Variants in CCDC125 observed in about 807,000 individuals in gnomAD.
CCDC125 encodes the protein coiled-coil domain-containing protein 125.
A neutral mutation model predicts 57.4 loss-of-function variants in CCDC125; 43 were observed. The observed-to-expected ratio is 0.75, with a 90% CI of 0.59 to 0.97. The LOEUF is 0.97. Ranked by LOEUF, CCDC125 falls within the 50% of genes least tolerant of loss-of-function variation. The pLI, the probability that CCDC125 is intolerant of heterozygous loss-of-function variation, is 0.00. For missense variants in CCDC125, 563 were observed against 595.7 expected (o/e 0.95, Z 0.57); for synonymous variants, 187 against 195.2 (o/e 0.96, Z 0.35).
chr5:69,305,678 G>A (rs556185671), intron 6 of CCDC125, among the ~76,000 whole-genome samples: 2 of 152,272 alleles, frequency 1.3e-5, no homozygotes, highest in South Asian at 4.1e-4. Context: ...TGGAACATCT[G>A]GAGACTACTG....
chr5:69,297,254 T>C (rs548032078), intron 8 of CCDC125, among the ~76,000 whole-genome samples: 1 of 152,138 alleles, frequency 6.6e-6, no homozygotes, highest in Admixed American at 6.6e-5. Flanking sequence ...GTGGTCAGGC[T>C]GGTCTCGAAC....
At chr5:69,323,605 C>T (rs945454314) in intron 1 of CCDC125, among the ~76,000 whole-genome samples, 9 of 152,062 alleles carry the variant, frequency 5.9e-5, no homozygotes, top group African/African-American at 9.7e-5. Flanking sequence ...CCTCAGGCCA[C>T]GCACAGCAGG....
rs200323660 is a variant in CCDC125, at chr5:69,285,314, C to CA, written c.1230+22dup. 7,589 of 1,605,994 alleles carry CA rather than the reference C, an allele frequency of 4.7e-3. 25 individuals are homozygous for CA. Among genetic ancestry groups the CA allele is most frequent in the Non-Finnish European group, 5.6e-3 (6,554 of 1,176,972 alleles). The stretch of plus-strand genomic sequence containing the variant: ...ACAAGCTTGGCTTAACCATAACCTG[C>CA]AAAAAAAAGCAAAGACACTAACCAA... On this transcript the variant is annotated intron_variant, in intron 11 of 11. Coordinates refer to ENST00000396496, the MANE Select transcript of CCDC125 (RefSeq NM_176816.5).
intron 10 of CCDC125, among the ~76,000 whole-genome samples, chr5:69,285,798 A>G (rs992878397): frequency 4.6e-5 from 7 of 152,296 alleles, no homozygotes; most frequent in Non-Finnish European, 7.4e-5. Context: ...GTCAGCCACT[A>G]GTCTTATTGT....
chr5:69,288,846 C>T (rs1207445441), intron 10 of CCDC125, among the ~76,000 whole-genome samples: 1 of 152,178 alleles, frequency 6.6e-6, no homozygotes, highest in Non-Finnish European at 1.5e-5. Context: ...TGATAGGATA[C>T]CCAGCTGGTG....
intron 1 of CCDC125, among the ~76,000 whole-genome samples, chr5:69,331,481 C>T (rs931191884): frequency 2.0e-5 from 3 of 152,020 alleles, no homozygotes; most frequent in East Asian, 2.0e-4. Context: ...ATCTGCTCAC[C>T]GGTCTCCCAA....
At chr5:69,324,319 C>T (rs1760455219) in intron 1 of CCDC125, among the ~76,000 whole-genome samples, 2 of 152,344 alleles carry the variant, frequency 1.3e-5, no homozygotes, top group East Asian at 3.9e-4. Context: ...GATTCCACCT[C>T]ACCGCACTGA....
chr5:69,331,246 G>A (rs1761377803), intron 1 of CCDC125, among the ~76,000 whole-genome samples: 1 of 152,000 alleles, frequency 6.6e-6, no homozygotes, highest in Non-Finnish European at 1.5e-5. Flanking sequence ...AGGTTCCAGT[G>A]AGCTGAGACA....
chr5:69,273,344 A>G, the CCDC125 span, among the ~76,000 whole-genome samples: 8 of 152,246 alleles, frequency 5.3e-5, no homozygotes, highest in Admixed American at 5.2e-4. Flanking sequence ...AAAGAAAACC[A>G]AGGCTTTTTA....
At chr5:69,286,475 G>GC (rs1351177718) in intron 10 of CCDC125, among the ~76,000 whole-genome samples, 1 of 150,884 alleles carries the variant, frequency 6.6e-6, no homozygotes, top group Non-Finnish European at 1.5e-5. Context: ...CTCATGATTC[G>GC]CCCCCTCTTG....
rs1759798613 is a variant in CCDC125, at chr5:69,320,198, CA to C, written c.304+38del. The C allele has an allele frequency of 2.0e-6, 3 of 1,525,314 alleles. No homozygotes were observed. The African/African-American group carries it at 4.1e-5, about 21-fold the overall frequency. 94.5% of individuals were successfully genotyped at this position (1,525,314 alleles called of 1,614,324 possible). On this transcript the variant is annotated intron_variant, in intron 2 of 11. Coordinates refer to ENST00000396496, the MANE Select transcript of CCDC125 (RefSeq NM_176816.5). Reference sequence around the variant, plus strand: ...GAAGGGTTATAGCTTTGATACTATGCACAGGAGAAAGAAAGGAGAGGAAATT... The same window carrying C: ...GAAGGGTTATAGCTTTGATACTATGCCAGGAGAAAGAAAGGAGAGGAAATT...
intron 8 of CCDC125, among the ~76,000 whole-genome samples, chr5:69,295,341 G>A (rs756314629): frequency 2.6e-5 from 4 of 152,020 alleles, no homozygotes; most frequent in African/African-American, 2.4e-5. Context: ...CAGAAATGAC[G>A]AGGGAATTGT....
chr5:69,300,014 C>A lies in CCDC125; in HGVS notation c.814G>T (p.Glu272Ter). The change falls in exon 8 of 12, where the codon GAG (glutamate) becomes TAG (stop). Residue 272 changes from glutamate to a stop codon, truncating the protein, a stop_gained and splice_region_variant. Coordinates refer to ENST00000396496, the MANE Select transcript of CCDC125 (RefSeq NM_176816.5). LOFTEE classifies it high-confidence loss of function. ...AGCTTTCCTGCATGCTTACCTACCTCAAGACCTGAAGCCTCTGCAAAGCCA... is the reference window on the plus strand; with the variant it reads ...AGCTTTCCTGCATGCTTACCTACCTAAAGACCTGAAGCCTCTGCAAAGCCA... ...KSGFAEASGL[E>*]LAVLGACLCH... The A allele has an allele frequency of 6.2e-7, 1 of 1,612,214 alleles. No individual in the cohort carries two copies. Among genetic ancestry groups the A allele is most frequent in the Non-Finnish European group, 8.5e-7 (1 of 1,178,244 alleles).
At chr5:69,325,561 C>T (rs1365550556) in intron 1 of CCDC125, among the ~76,000 whole-genome samples, 3 of 151,066 alleles carry the variant, frequency 2.0e-5, no homozygotes, top group Non-Finnish European at 4.4e-5. Flanking sequence ...CACAGTGGCT[C>T]ACGTCTGTAA....
At chr5:69,313,617 T>C in intron 3 of CCDC125, 1 of 727,594 alleles carries the variant, frequency 1.4e-6, no homozygotes, top group Admixed American at 1.8e-5. Flanking sequence ...GGTTGCGTCA[T>C]AGAGGGCGTA....
At chr5:69,311,345 C>T in intron 3 of CCDC125, 141 bp from the exon 4 acceptor site, 2 of 540,986 alleles carry the variant, frequency 3.7e-6, no homozygotes, top group South Asian at 4.3e-5. Flanking sequence ...GTGAGTGAAC[C>T]AGACATACTA....
rs188862182 is a variant in CCDC125 at position 69,292,449 on chromosome 5, C to T, written c.925-87G>A. 5 of 945,442 alleles carry T rather than the reference C, an allele frequency of 5.3e-6. No homozygotes were observed. In the East Asian group the frequency reaches 9.7e-5, roughly 18 times the overall value. 58.6% of individuals were successfully genotyped at this position (945,442 alleles called of 1,614,324 possible). A position where few individuals can be genotyped will look rare whatever the true frequency, so the allele number is the denominator to read the frequency against. On this transcript the variant is annotated intron_variant, in intron 9 of 11. Transcript: ENST00000396496. Reference sequence around the variant, plus strand: ...GGGGAATCAAATTAACATATGCAATCTCACTGCCTAGCACTGGTTTATTGC... The same window carrying T: ...GGGGAATCAAATTAACATATGCAATTTCACTGCCTAGCACTGGTTTATTGC...
At chr5:69,294,646 T>C (rs890416564) in intron 9 of CCDC125, 147 bp downstream of exon 9, 1 of 692,506 alleles carries the variant, frequency 1.4e-6, no homozygotes, top group African/African-American at 1.8e-5. Context: ...ATCCAGTTGA[T>C]AAGTTGATGC....
chr5:69,311,434 T>A (rs928708327), intron 3 of CCDC125, among the ~76,000 whole-genome samples: 4 of 152,130 alleles, frequency 2.6e-5, no homozygotes, highest in Non-Finnish European at 5.9e-5. Flanking sequence ...GTGGATCACC[T>A]GAGGTCAGGA....
Sources: allele counts gnomAD v4.1 joint callset (sites outside exome capture counted in the v4.1 genomes callset), GRCh38; gene constraint gnomAD v4.1.1; transcripts MANE v1.5; gene names NCBI Gene and HGNC (gene_info 2026-07-23, HGNC 2026-07-21).